Variants in TLL1 observed in about 807,000 individuals in gnomAD.
TLL1 encodes tolloid like 1.
TLL1 carries 49 observed loss-of-function variants against 128.2 expected under a neutral mutation model. The observed-to-expected ratio is 0.38, with a 90% confidence interval of 0.30 to 0.48. TLL1 has a LOEUF of 0.48. Ranked by LOEUF, TLL1 falls within the 20% of genes least tolerant of loss-of-function variation. TLL1 has a pLI of 0.96. For synonymous variants in TLL1, 454 were observed against 418.8 expected (o/e 1.08, Z -1.03); for missense variants, 1,123 against 1,242.0 (o/e 0.90, Z 1.44).
intron 1 of TLL1, among the ~76,000 whole-genome samples, chr4:165,884,953 A>AT (rs1731106758): frequency 6.6e-6 from 1 of 152,190 alleles, no homozygotes; most frequent in Non-Finnish European, 1.5e-5. Context: ...CCTTATTCTT[A>AT]AATACATTTG....
At chr4:165,993,476 A>C (rs1736732857) in intron 3 of TLL1, among the ~76,000 whole-genome samples, 1 of 151,864 alleles carries the variant, frequency 6.6e-6, no homozygotes, top group African/African-American at 2.4e-5. Flanking sequence ...AACGTTCCTT[A>C]AATTGATGGA....
intron 1 of TLL1, among the ~76,000 whole-genome samples, chr4:165,893,987 G>A (rs562949589): frequency 1.9e-4 from 29 of 152,140 alleles, no homozygotes; most frequent in African/African-American, 2.7e-4. Context: ...GTATTACAGC[G>A]TTATTTTAAG....
intron 1 of TLL1, among the ~76,000 whole-genome samples, chr4:165,953,282 T>C (rs1252856760): frequency 1.3e-5 from 2 of 152,006 alleles, no homozygotes; most frequent in African/African-American, 4.8e-5. Flanking sequence ...GTTCGGGTTG[T>C]TGCCCAACCT....
intron 1 of TLL1, among the ~76,000 whole-genome samples, chr4:165,949,769 A>G (rs1216996446): frequency 2.0e-5 from 3 of 152,100 alleles, no homozygotes; most frequent in Non-Finnish European, 4.4e-5. Flanking sequence ...CCATGATTCC[A>G]TTATCTCCCA....
chr4:165,922,311 G>A (rs1733074259), intron 1 of TLL1, among the ~76,000 whole-genome samples: 1 of 152,152 alleles, frequency 6.6e-6, no homozygotes, highest in Admixed American at 6.5e-5. Context: ...TTTGTTATTG[G>A]TTGGTTGTTT....
intron 1 of TLL1, among the ~76,000 whole-genome samples, chr4:165,898,981 A>T (rs141127427): frequency 6.6e-6 from 1 of 152,098 alleles, no homozygotes; most frequent in Non-Finnish European, 1.5e-5. Flanking sequence ...CCAGGAATGT[A>T]TTCATTTCTT....
In TLL1 at chr4:166,072,311, G is replaced by C. The variant is rs576096408; in HGVS notation, c.2189-2567G>C. Among the ~76,000 whole-genome samples, 7 of 152,006 alleles carry C rather than the reference G, an allele frequency of 4.6e-5. 1 individual carries two copies. The East Asian group carries it at 1.2e-3, about 25-fold the overall frequency. On this transcript the variant is annotated intron_variant, in intron 16 of 20. Coordinates refer to ENST00000061240, the MANE Select transcript of TLL1 (RefSeq NM_012464.5). ...GAAAGTAAAAAATGACAGATACTTA[G>C]AGAATAATGACTATATAAATAATAA... is the stretch of plus-strand genomic sequence containing the variant.
At chr4:166,036,875 CTT>C (rs796289840) in intron 9 of TLL1, among the ~76,000 whole-genome samples, 64 of 151,414 alleles carry the variant, frequency 4.2e-4, no homozygotes, top group African/African-American at 1.5e-3. Context: ...TCCAAATGCA[CTT>C]TTTAATTTTG....
intron 12 of TLL1, 69 bp from the exon 13 acceptor site, chr4:166,055,007 A>G (rs1739936677): frequency 2.3e-6 from 3 of 1,279,070 alleles, no homozygotes; most frequent in Non-Finnish European, 3.3e-6. Context: ...CACTGAGAAG[A>G]CATCTATCCT....
At chr4:165,972,649 C>A (rs957520278) in intron 1 of TLL1, among the ~76,000 whole-genome samples, 1 of 152,194 alleles carries the variant, frequency 6.6e-6, no homozygotes, top group Admixed American at 6.5e-5. Context: ...TCTCATAACT[C>A]TCTAAGGGTC....
chr4:166,055,896 T>A (rs1285505833), intron 13 of TLL1, among the ~76,000 whole-genome samples: 1 of 152,102 alleles, frequency 6.6e-6, no homozygotes, highest in Non-Finnish European at 1.5e-5. Context: ...ACTTATGTTG[T>A]GTGTCATTAT....
Position 166,014,475 on chromosome 4 carries a change from T to C in TLL1, c.957T>C (p.Asp319=). Reference sequence around the variant, plus strand: ...ATACCATTCTCCCCTCCCGTGATGATAATGGCATACGTCCTGCAATTGGTC... The same window carrying C: ...ATACCATTCTCCCCTCCCGTGATGACAATGGCATACGTCCTGCAATTGGTC... ...FLDTILPSRD[D]NGIRPAIGQR... Residue 319 remains aspartate, a synonymous_variant, in exon 8 of 21, where the codon GAT becomes GAC. Coordinates refer to ENST00000061240, the MANE Select transcript of TLL1 (RefSeq NM_012464.5). 6.2e-7 allele frequency: 1 copy of C among 1,612,444 alleles called. No homozygotes were observed. Among genetic ancestry groups the C allele is most frequent in the Non-Finnish European group, 8.5e-7 (1 of 1,178,800 alleles).
At chr4:165,956,851 C>T (rs1052712313) in intron 1 of TLL1, among the ~76,000 whole-genome samples, 32 of 152,030 alleles carry the variant, frequency 2.1e-4, no homozygotes, top group Non-Finnish European at 4.4e-4. Context: ...TGGCTCCAGC[C>T]GGTCCCTCTG....
In TLL1 at chr4:166,014,338, T is replaced by C. The variant is rs184334807; in HGVS notation, c.918-98T>C. Reference sequence around the variant, plus strand: ...AAGCACACAAGGTGTAGTTCCCCTTTGATTGACTTGAGTTTGAAATAAATA... The same window carrying C: ...AAGCACACAAGGTGTAGTTCCCCTTCGATTGACTTGAGTTTGAAATAAATA... On this transcript the variant is annotated intron_variant, in intron 7 of 20. Transcript: ENST00000061240. 5 of 1,573,308 alleles carry C rather than the reference T, an allele frequency of 3.2e-6. No homozygotes were observed. The East Asian group carries it at 1.1e-4, about 35-fold the overall frequency.
At chr4:165,935,239 C>A (rs1334466615) in intron 1 of TLL1, among the ~76,000 whole-genome samples, 1 of 152,082 alleles carries the variant, frequency 6.6e-6, no homozygotes, top group Non-Finnish European at 1.5e-5. Flanking sequence ...AGTTAATAAG[C>A]CTCAGTAAAT....
intron 1 of TLL1, among the ~76,000 whole-genome samples, chr4:165,988,746 T>C (rs1333231119): frequency 6.6e-6 from 1 of 152,124 alleles, no homozygotes; most frequent in Non-Finnish European, 1.5e-5. Context: ...AGATAAAAAA[T>C]CTGGCATCTA....
intron 12 of TLL1, among the ~76,000 whole-genome samples, chr4:166,053,846 T>C (rs543285843): frequency 6.6e-6 from 1 of 152,348 alleles, no homozygotes; most frequent in East Asian, 1.9e-4. Context: ...CTCTGCTTTC[T>C]ACTTTTAAAT....
intron 1 of TLL1, among the ~76,000 whole-genome samples, chr4:165,890,722 G>A (rs754920661): frequency 4.6e-5 from 7 of 152,194 alleles, no homozygotes; most frequent in Non-Finnish European, 8.8e-5. Context: ...GCCTTAATGG[G>A]CTGGCATTGA....
At chr4:166,097,498 G>A (rs1742078367) in intron 19 of TLL1, among the ~76,000 whole-genome samples, 1 of 152,090 alleles carries the variant, frequency 6.6e-6, no homozygotes, top group Non-Finnish European at 1.5e-5. Flanking sequence ...TGGAACCCTA[G>A]CTGCAAGTTC....
Sources: gnomAD v4.1 joint callset for allele counts (sites outside exome capture counted in the v4.1 genomes callset) on GRCh38, gnomAD v4.1.1 for gene constraint, MANE v1.5 for transcripts, NCBI Gene and HGNC (gene_info 2026-07-23, HGNC 2026-07-21) for gene names.